IL7R: variants seen among roughly 807,000 people sequenced by gnomAD.
The protein encoded by IL7R is interleukin-7 receptor subunit alpha.
A neutral mutation model predicts 47.0 loss-of-function variants in IL7R; 38 were observed. That is an observed-to-expected ratio of 0.81 (90% CI 0.62 to 1.06). IL7R has a LOEUF of 1.06. IL7R is among the 50% of genes least tolerant of loss of function. The pLI is 0.00. For missense variants in IL7R, 633 were observed against 534.8 expected (o/e 1.18, Z -1.81); for synonymous variants, 221 against 199.8 (o/e 1.11, Z -0.89).
chr5:35,860,822 A>G (rs749593377), intron 1 of IL7R, 30 bp from the exon 2 acceptor site: 2 of 1,611,782 alleles, frequency 1.2e-6, no homozygotes, highest in African/African-American at 2.7e-5. Flanking sequence ...TATTTGTTTC[A>G]TTAACAGCTG....
intron 3 of IL7R, among the ~76,000 whole-genome samples, chr5:35,870,329 G>C (rs569561887): frequency 6.6e-6 from 1 of 152,344 alleles, no homozygotes; most frequent in South Asian, 2.1e-4. Flanking sequence ...AGAGGCCCAA[G>C]AGGAATTCAG....
chr5:35,857,025 A>G lies in IL7R; in HGVS notation c.48A>G (p.Gln16=), dbSNP rs1387984147. Residue 16 remains glutamine, a synonymous_variant, in exon 1 of 8, where the codon CAA becomes CAG. Coordinates refer to ENST00000303115, the MANE Select transcript of IL7R (RefSeq NM_002185.5). ...TTGGCATGGTTTTTTCTTTACTTCA[A>G]GTCGTTTCTGGAGAAAGTGGCTATG... ...TTFGMVFSLL[Q]VVSGESGYAQ... is the part of the protein sequence containing the mutation. The G allele has an allele frequency of 1.2e-6, 2 of 1,610,500 alleles. No individual in the cohort carries two copies. Among genetic ancestry groups the G allele is most frequent in the South Asian group, 2.2e-5 (2 of 91,042 alleles).
rs1494560 is a variant in IL7R, at chr5:35,860,535, A to G, written c.83-317A>G. Among the ~76,000 whole-genome samples the G allele has an allele frequency of 0.71, 107,639 of 152,140 alleles. 39,236 individuals carry two copies. Among genetic ancestry groups the G allele is most frequent in the African/African-American group, 0.87 (36,212 of 41,522 alleles). Reference sequence around the variant, plus strand: ...GCAGAAAAAACTCCAGTTTAAATACAGAAAAGAATGTGTTCAATGCCTCTG... The same window carrying G: ...GCAGAAAAAACTCCAGTTTAAATACGGAAAAGAATGTGTTCAATGCCTCTG... On this transcript the variant is annotated intron_variant, in intron 1 of 7. Coordinates refer to ENST00000303115, the MANE Select transcript of IL7R (RefSeq NM_002185.5).
At chr5:35,866,890 G>A (rs1759953164) in intron 2 of IL7R, among the ~76,000 whole-genome samples, 1 of 151,736 alleles carries the variant, frequency 6.6e-6, no homozygotes, top group South Asian at 2.1e-4. Context: ...TTTATACTAT[G>A]TTATCATTTT....
intron 2 of IL7R, among the ~76,000 whole-genome samples, chr5:35,863,208 C>T (rs1759861671): frequency 6.6e-6 from 1 of 152,086 alleles, no homozygotes; most frequent in South Asian, 2.1e-4. Context: ...TAAGGAATGT[C>T]CCCAAAATAA....
chr5:35,871,169 C>A lies in IL7R; in HGVS notation c.493C>A (p.His165Asn). Reference sequence around the variant, plus strand: ...AAAGAAGTATGTAAAAGTTTTAATGCACGATGTAGCTTACCGCCAGGAAAA... The same window carrying A: ...AAAGAAGTATGTAAAAGTTTTAATGAACGATGTAGCTTACCGCCAGGAAAA... ...LQKKYVKVLMHDVAYRQEKDE... is the reference protein window; with the variant it reads ...LQKKYVKVLMNDVAYRQEKDE... Residue 165 changes from histidine (H) to asparagine (N), a missense_variant, in exon 4 of 8, where the codon CAC becomes AAC. By Grantham distance (68) the His-to-Asn change is moderately conservative. Coordinates refer to ENST00000303115, the MANE Select transcript of IL7R (RefSeq NM_002185.5). The A allele has an allele frequency of 1.2e-6, 2 of 1,612,996 alleles. No individual in the cohort carries two copies. Among genetic ancestry groups the A allele is most frequent in the Non-Finnish European group, 1.7e-6 (2 of 1,179,022 alleles).
At chr5:35,871,822 T>G (rs1209654584) in intron 4 of IL7R, among the ~76,000 whole-genome samples, 2 of 152,012 alleles carry the variant, frequency 1.3e-5, no homozygotes, top group African/African-American at 4.8e-5. Context: ...GGCAGAAGAG[T>G]GGAGTGTACC....
At chr5:35,865,284 T>C (rs1198496509) in intron 2 of IL7R, among the ~76,000 whole-genome samples, 1 of 152,212 alleles carries the variant, frequency 6.6e-6, no homozygotes, top group Non-Finnish European at 1.5e-5. Flanking sequence ...ATAAAGGACA[T>C]GAACTCATCC....
intron 3 of IL7R, 137 bp from the exon 4 acceptor site, chr5:35,870,919 G>T (rs914326815): frequency 1.3e-6 from 1 of 757,660 alleles, no homozygotes; most frequent in Non-Finnish European, 2.3e-6. Context: ...CCAAGAAGAA[G>T]AAATGGTTTT....
At chr5:35,857,364 T>G (rs11567693) in intron 1 of IL7R, among the ~76,000 whole-genome samples, 2,430 of 152,264 alleles carry the variant, frequency 0.016, 54 homozygotes, top group South Asian at 0.046. Flanking sequence ...ATGCTATGAC[T>G]GTACTTGTAG....
chr5:35,858,892 T>C (rs961914799), intron 1 of IL7R, among the ~76,000 whole-genome samples: 6 of 152,188 alleles, frequency 3.9e-5, no homozygotes, highest in Non-Finnish European at 8.8e-5. Context: ...AGGTAGAGTA[T>C]CCAGAATTTA....
rs778067695 is a variant in IL7R, at chr5:35,867,366, C to T, written c.282C>T (p.Ile94=). The change falls in exon 3 of 8, where the codon ATC becomes ATT. Residue 94 remains isoleucine, a synonymous_variant. Coordinates refer to ENST00000303115, the MANE Select transcript of IL7R (RefSeq NM_002185.5). ...GGAAACTACAAGAGATATATTTCAT[C>T]GAGACAAAGAAATTCTTACTGATTG... ...NFRKLQEIYF[I]ETKKFLLIGK... The T allele has an allele frequency of 9.9e-6, 16 of 1,612,998 alleles. No individual in the cohort carries two copies. The highest frequency in any genetic ancestry group is 5.5e-5 in the South Asian group (5 of 91,042).
chr5:35,862,863 T>A (rs1261119737), intron 2 of IL7R, among the ~76,000 whole-genome samples: 2 of 152,126 alleles, frequency 1.3e-5, no homozygotes, highest in African/African-American at 4.8e-5. Context: ...TTTCTCCACA[T>A]CCCATGTTTA....
At chr5:35,858,570 A>T (rs900665480) in intron 1 of IL7R, among the ~76,000 whole-genome samples, 6 of 152,244 alleles carry the variant, frequency 3.9e-5, no homozygotes, top group African/African-American at 1.4e-4. Flanking sequence ...CATTTAAAGA[A>T]TAATAGATTA....
chr5:35,865,589 G>A (rs1244982796), intron 2 of IL7R, among the ~76,000 whole-genome samples: 1 of 152,100 alleles, frequency 6.6e-6, no homozygotes, highest in Non-Finnish European at 1.5e-5. Flanking sequence ...GTGTAAAAGT[G>A]TTCCTATTTC....
chr5:35,869,216 G>A (rs1760012108), intron 3 of IL7R, among the ~76,000 whole-genome samples: 1 of 152,132 alleles, frequency 6.6e-6, no homozygotes. Context: ...ACTTCCCCTT[G>A]TTTAAGCATC....
Position 35,874,440 on chromosome 5 carries a change from GC to G in IL7R, c.707-8del. ...TGAATGCTCACCACAATCTATTCTT[GC>G]TTTCCAGGGGAGATGGATCCTATCT... On this transcript the variant is annotated splice_region_variant and splice_polypyrimidine_tract_variant and intron_variant, in intron 5 of 7. Coordinates refer to ENST00000303115, the MANE Select transcript of IL7R (RefSeq NM_002185.5). The G allele has an allele frequency of 6.3e-7, 1 of 1,590,272 alleles. No homozygotes were observed. The highest frequency in any genetic ancestry group is 1.3e-5 in the African/African-American group (1 of 74,666).
Position 35,876,535 on chromosome 5 carries a change from A to G in IL7R, c.*49A>G. 1 of 1,593,552 alleles carries G rather than the reference A, an allele frequency of 6.3e-7. No homozygotes were observed. Among genetic ancestry groups the G allele is most frequent in the Non-Finnish European group, 8.5e-7 (1 of 1,175,106 alleles). On this transcript the variant is annotated 3_prime_UTR_variant, in exon 8 of 8. Transcript: ENST00000303115. ...TTACCGTGAGCGACAAAGATGATTT[A>G]AAAGGGAAGTCTAGAGTTCCTAGTC... is the stretch of plus-strand genomic sequence containing the variant.
intron 1 of IL7R, among the ~76,000 whole-genome samples, chr5:35,858,518 G>T (rs1759719936): frequency 6.6e-6 from 1 of 152,136 alleles, no homozygotes; most frequent in African/African-American, 2.4e-5. Context: ...GGATAAATAT[G>T]TCTAGATACC....
Sources: gnomAD v4.1 joint callset for allele counts (sites outside exome capture counted in the v4.1 genomes callset) on GRCh38, gnomAD v4.1.1 for gene constraint, MANE v1.5 for transcripts, NCBI Gene and HGNC (gene_info 2026-07-23, HGNC 2026-07-21) for gene names.